MARK2: variants seen among roughly 807,000 people sequenced by gnomAD.
MARK2 encodes serine/threonine-protein kinase MARK2.
A neutral mutation model predicts 89.8 loss-of-function variants in MARK2; 16 were observed. The observed-to-expected ratio is 0.18, with a 90% CI of 0.12 to 0.27. MARK2 has a LOEUF of 0.27. Ranked by LOEUF, MARK2 falls within the 10% of genes least tolerant of loss-of-function variation. The pLI is 1.00. For synonymous variants in MARK2, 382 were observed against 399.5 expected (o/e 0.96, Z 0.52); for missense variants, 621 against 1,049.9 (o/e 0.59, Z 5.65).
intron 16 of MARK2, among the ~76,000 whole-genome samples, 152 bp from the exon 17 acceptor site, chr11:63,905,936 G>A (rs775633081): frequency 6.6e-6 from 1 of 152,168 alleles, no homozygotes; most frequent in African/African-American, 2.4e-5. Context: ...CTGAAAGCCT[G>A]GGACTCTAGT....
At chr11:63,906,718 A>G (rs1207277662) in intron 17 of MARK2, among the ~76,000 whole-genome samples, 1 of 151,812 alleles carries the variant, frequency 6.6e-6, no homozygotes, top group African/African-American at 2.4e-5. Flanking sequence ...TGGGGCCCCA[A>G]GGTTTCAGTC....
intron 1 of MARK2, among the ~76,000 whole-genome samples, chr11:63,840,477 A>C (rs2015955175): frequency 6.6e-6 from 1 of 152,042 alleles, no homozygotes; most frequent in Admixed American, 6.6e-5. Context: ...GTATTAACAC[A>C]ACCTGTTGCT....
intron 1 of MARK2, among the ~76,000 whole-genome samples, chr11:63,841,926 T>C (rs949082718): frequency 1.3e-5 from 2 of 152,364 alleles, no homozygotes; most frequent in African/African-American, 4.8e-5. Flanking sequence ...CATCCACTGA[T>C]TCCATGATAG....
intron 1 of MARK2, among the ~76,000 whole-genome samples, chr11:63,854,477 A>G (rs2016742662): frequency 7.1e-6 from 1 of 140,128 alleles, no homozygotes; most frequent in Non-Finnish European, 1.5e-5. Flanking sequence ...TCAGCCTCCC[A>G]CAGTGCTGGG....
At chr11:63,876,917 A>C (rs913069891) in intron 1 of MARK2, among the ~76,000 whole-genome samples, 1 of 152,106 alleles carries the variant, frequency 6.6e-6, no homozygotes, top group East Asian at 1.9e-4. Context: ...TGCACGAGCT[A>C]ATCTCACTGA....
rs1285264689 is a variant in MARK2 at position 63,910,414 on chromosome 11, C to CT, written c.*1177_*1178insT. The CT allele has an allele frequency of 1.3e-5, 2 of 152,284 alleles. No homozygotes were observed. The highest frequency in any genetic ancestry group is 2.9e-5 in the Non-Finnish European group (2 of 68,088). The allele number at this position is 152,284 out of a possible 1,614,324, so 9.4% of individuals were successfully genotyped here. ...AGCAGGGCCGGGAGCGTCTGCCCTCCACAGGGTGGGGGACAGATAGGCTAA... is the reference window on the plus strand; with the variant it reads ...AGCAGGGCCGGGAGCGTCTGCCCTCCTACAGGGTGGGGGACAGATAGGCTAA... On this transcript the variant is annotated 3_prime_UTR_variant, in exon 19 of 19. Transcript: ENST00000402010.
chr11:63,881,104 G>A (rs1040116216), intron 1 of MARK2, among the ~76,000 whole-genome samples: 1 of 151,646 alleles, frequency 6.6e-6, no homozygotes, highest in Non-Finnish European at 1.5e-5. Context: ...AGGAGTTCGA[G>A]ACCAGCCTGG....
intron 1 of MARK2, among the ~76,000 whole-genome samples, chr11:63,841,402 A>C (rs2016008939): frequency 6.6e-6 from 1 of 151,908 alleles, no homozygotes; most frequent in Admixed American, 6.6e-5. Context: ...GTTGATTTCC[A>C]TTTCATCACT....
intron 1 of MARK2, among the ~76,000 whole-genome samples, chr11:63,867,141 CT>C (rs1350365930): frequency 6.6e-6 from 1 of 152,212 alleles, no homozygotes; most frequent in East Asian, 1.9e-4. Flanking sequence ...ATCCCCCAAC[CT>C]TAGCCTCCTG....
At chr11:63,893,708 A>T (rs1940114128) in intron 1 of MARK2, among the ~76,000 whole-genome samples, 1 of 152,222 alleles carries the variant, frequency 6.6e-6, no homozygotes, top group South Asian at 2.1e-4. Context: ...AAAATGCTCC[A>T]AAATCTAAAC....
chr11:63,899,407 C>T (rs1486898487), intron 7 of MARK2, among the ~76,000 whole-genome samples: 1 of 152,196 alleles, frequency 6.6e-6, no homozygotes, highest in Non-Finnish European at 1.5e-5. Context: ...AAGGCAGGCA[C>T]ACTCCAGGCT....
intron 1 of MARK2, among the ~76,000 whole-genome samples, chr11:63,849,651 G>A (rs552735293): frequency 6.6e-4 from 100 of 152,304 alleles, no homozygotes; most frequent in African/African-American, 2.2e-3. Flanking sequence ...TACTCGGAAG[G>A]CTGAGGCACA....
At chr11:63,853,921 G>A (rs1416032745) in intron 1 of MARK2, among the ~76,000 whole-genome samples, 2 of 151,952 alleles carry the variant, frequency 1.3e-5, no homozygotes, top group African/African-American at 2.4e-5. Context: ...CTCCTAGGCT[G>A]AAGTGCAATG....
At chr11:63,852,491 GA>G (rs1590972039) in intron 1 of MARK2, among the ~76,000 whole-genome samples, 1 of 151,696 alleles carries the variant, frequency 6.6e-6, no homozygotes, top group Admixed American at 6.6e-5. Flanking sequence ...TTCTAAAATA[GA>G]AAAAAATTTA....
intron 1 of MARK2, among the ~76,000 whole-genome samples, chr11:63,849,504 G>C (rs763998433): frequency 4.1e-4 from 62 of 152,336 alleles, no homozygotes; most frequent in South Asian, 2.1e-3. Context: ...TGTAATCCCA[G>C]CACTTTGGGA....
intron 5 of MARK2, 31 bp from the exon 6 acceptor site, chr11:63,898,732 C>T: frequency 3.7e-6 from 6 of 1,611,780 alleles, no homozygotes; most frequent in Non-Finnish European, 5.1e-6. Flanking sequence ...CCAGCCAGCT[C>T]TGACTGAGAT....
chr11:63,894,664 C>A (rs1298978662), intron 1 of MARK2, among the ~76,000 whole-genome samples: 1 of 152,088 alleles, frequency 6.6e-6, no homozygotes, highest in Non-Finnish European at 1.5e-5. Context: ...CCATTGCACT[C>A]CAGCCTGGGC....
chr11:63,889,099 TC>T, intron 1 of MARK2: 1 of 584,142 alleles, frequency 1.7e-6, no homozygotes, highest in Non-Finnish European at 2.9e-6. Context: ...GGGAAGGGTG[TC>T]CAGATGTGGA....
chr11:63,864,175 C>T (rs189535574), intron 1 of MARK2, among the ~76,000 whole-genome samples: 169 of 151,872 alleles, frequency 1.1e-3, no homozygotes, highest in African/African-American at 3.7e-3. Flanking sequence ...AGGATGGTCT[C>T]GATCTCCTGA....
Sources: gnomAD v4.1 joint callset for allele counts (sites outside exome capture counted in the v4.1 genomes callset) on GRCh38, gnomAD v4.1.1 for gene constraint, MANE v1.5 for transcripts, NCBI Gene and HGNC (gene_info 2026-07-23, HGNC 2026-07-21) for gene names.